Variants in CUX1 observed in about 807,000 individuals in gnomAD.
The protein encoded by CUX1 is cut like homeobox 1.
In CUX1, 31 loss-of-function variants were observed where a neutral mutation model predicts 158.8. The ratio of observed to expected loss-of-function variants is 0.20; its 90% CI spans 0.15 to 0.26. CUX1 has a LOEUF of 0.26. Among genes scored for constraint, CUX1 ranks in the 10% least tolerant of loss-of-function variants. CUX1 has a pLI of 1.00. For synonymous variants in CUX1, 879 were observed against 862.1 expected (o/e 1.02, Z -0.34); for missense variants, 1,589 against 2,014.6 (o/e 0.79, Z 4.04).
At chr7:102,155,051 A>G (rs868981164) in intron 8 of CUX1, among the ~76,000 whole-genome samples, 6 of 152,194 alleles carry the variant, frequency 3.9e-5, no homozygotes, top group African/African-American at 9.7e-5. Context: ...TTTTAAATCT[A>G]TGACATAGAT....
At chr7:102,063,534 G>T (rs532963715) in intron 3 of CUX1, among the ~76,000 whole-genome samples, 3 of 151,848 alleles carry the variant, frequency 2.0e-5, no homozygotes, top group South Asian at 2.1e-4. Context: ...AATTACAGGC[G>T]CCTGCCACCA....
At chr7:101,909,126 C>T (rs1385018026) in intron 1 of CUX1, among the ~76,000 whole-genome samples, 2 of 150,990 alleles carry the variant, frequency 1.3e-5, no homozygotes, top group East Asian at 2.0e-4. Context: ...GCGGGAGGAT[C>T]GCTTGAGGCC....
At chr7:101,902,681 T>C (rs1356410025) in intron 1 of CUX1, among the ~76,000 whole-genome samples, 2 of 152,218 alleles carry the variant, frequency 1.3e-5, no homozygotes, top group African/African-American at 4.8e-5. Context: ...ACCTGTCTGT[T>C]GTCTTTGACA....
intron 7 of CUX1, 123 bp from the exon 8 acceptor site, chr7:102,115,084 T>G (rs1831301074): frequency 1.2e-6 from 1 of 810,050 alleles, no homozygotes. Context: ...TTTTTAATCT[T>G]TATTTTTCCA....
chr7:102,088,622 A>G (rs1828195171), intron 4 of CUX1, among the ~76,000 whole-genome samples: 1 of 152,220 alleles, frequency 6.6e-6, no homozygotes, highest in Non-Finnish European at 1.5e-5. Flanking sequence ...TGACAGAGCA[A>G]GACTCTATCT....
intron 12 of CUX1, among the ~76,000 whole-genome samples, chr7:102,192,636 TCTACTAA>T (rs1794401304): frequency 6.6e-6 from 1 of 152,048 alleles, no homozygotes; most frequent in African/African-American, 2.4e-5. Flanking sequence ...CAAAACCGTC[TCTACTAA>T]AAATAAATTA....
intron 8 of CUX1, among the ~76,000 whole-genome samples, chr7:102,149,704 G>C (rs781976178): frequency 6.6e-6 from 1 of 152,136 alleles, no homozygotes; most frequent in Non-Finnish European, 1.5e-5. Flanking sequence ...GCCCTTCTCC[G>C]TAAGTTCAGG....
At chr7:102,128,849 G>A (rs1369875029) in intron 8 of CUX1, among the ~76,000 whole-genome samples, 1 of 151,958 alleles carries the variant, frequency 6.6e-6, no homozygotes, top group African/African-American at 2.4e-5. Context: ...GTGGTGGCAT[G>A]TGTCTGTAAT....
At chr7:102,080,241 C>T (rs868980061) in intron 4 of CUX1, among the ~76,000 whole-genome samples, 1 of 152,164 alleles carries the variant, frequency 6.6e-6, no homozygotes, top group African/African-American at 2.4e-5. Flanking sequence ...GGTGTGCTTG[C>T]GTGGAGAGTG....
chr7:101,850,408 T>C (rs925186712), intron 1 of CUX1, among the ~76,000 whole-genome samples: 2 of 140,764 alleles, frequency 1.4e-5, no homozygotes, highest in East Asian at 4.0e-4. Context: ...GTTTTCTTTT[T>C]CTTTCTTTCT....
intron 15 of CUX1, 150 bp downstream of exon 15, chr7:102,197,455 C>T: frequency 1.0e-6 from 1 of 991,816 alleles, no homozygotes; most frequent in Non-Finnish European, 1.5e-6. Flanking sequence ...ACGTCCAGAG[C>T]TCAAGGGTGG....
intron 1 of CUX1, among the ~76,000 whole-genome samples, chr7:101,852,529 G>C (rs1307335062): frequency 6.6e-6 from 1 of 151,862 alleles, no homozygotes; most frequent in Non-Finnish European, 1.5e-5. Flanking sequence ...GAGGTGGGAG[G>C]ATGGCTTGAA....
chr7:102,120,690 C>A (rs533879253), intron 8 of CUX1, among the ~76,000 whole-genome samples: 35 of 152,346 alleles, frequency 2.3e-4, no homozygotes, highest in African/African-American at 7.7e-4. Flanking sequence ...CCGTAGCTAA[C>A]TCAGCACTGG....
intron 21 of CUX1, chr7:102,282,560 G>A (rs1792159640): frequency 1.5e-6 from 1 of 683,646 alleles, no homozygotes; most frequent in South Asian, 1.9e-5. Context: ...ATCTGCAGAA[G>A]CAGTGGGTGC....
At chr7:101,831,391 A>G (rs2131028697) in intron 1 of CUX1, among the ~76,000 whole-genome samples, 1 of 152,034 alleles carries the variant, frequency 6.6e-6, no homozygotes, top group South Asian at 2.1e-4. Context: ...CCTGGGTTCA[A>G]GTGATTCTCC....
chr7:101,886,071 G>T (rs1800193829), intron 1 of CUX1, among the ~76,000 whole-genome samples: 1 of 152,190 alleles, frequency 6.6e-6, no homozygotes, highest in African/African-American at 2.4e-5. Flanking sequence ...TGACAGGTGA[G>T]GCACTTCTCT....
chr7:102,173,978 G>A (rs1032317399), intron 10 of CUX1, among the ~76,000 whole-genome samples: 1 of 152,138 alleles, frequency 6.6e-6, no homozygotes, highest in Non-Finnish European at 1.5e-5. Flanking sequence ...GCAGAGAAAC[G>A]GTGGAGTCTG....
chr7:102,165,350 CTTTTTTTTTTT>C (rs533978049), intron 9 of CUX1, among the ~76,000 whole-genome samples: 1 of 105,370 alleles, frequency 9.5e-6, no homozygotes, highest in African/African-American at 3.8e-5. Flanking sequence ...TAGGGGAAAG[CTTTTTTTTTTT>C]TTTTTTTTTG....
At chr7:102,142,747 C>T (rs116942124) in intron 8 of CUX1, among the ~76,000 whole-genome samples, 1 of 151,630 alleles carries the variant, frequency 6.6e-6, no homozygotes, top group Non-Finnish European at 1.5e-5. Context: ...CATAGTGAGA[C>T]CTTGTTTCTG....
Sources: gnomAD v4.1 joint callset for allele counts (sites outside exome capture counted in the v4.1 genomes callset) on GRCh38, gnomAD v4.1.1 for gene constraint, MANE v1.5 for transcripts, NCBI Gene and HGNC (gene_info 2026-07-23, HGNC 2026-07-21) for gene names.